The following PRKCH variants were observed in gnomAD, a reference collection of about 807,000 sequenced individuals.
PRKCH encodes protein kinase C eta type.
PRKCH carries 28 observed loss-of-function variants against 82.5 expected under a neutral mutation model. That is an observed-to-expected ratio of 0.34 (90% confidence interval 0.25 to 0.47). The LOEUF is 0.47. Among genes scored for constraint, PRKCH ranks in the 20% least tolerant of loss-of-function variants. The probability of loss-of-function intolerance (pLI) is 1.00; values close to 1 mark genes in which losing one functional copy is unlikely to be tolerated. For synonymous variants in PRKCH, 322 were observed against 327.4 expected (o/e 0.98, Z 0.18); for missense variants, 705 against 881.8 (o/e 0.80, Z 2.54).
At chr14:61,470,872 C>T (rs182794689) in intron 9 of PRKCH, among the ~76,000 whole-genome samples, 63 of 152,230 alleles carry the variant, frequency 4.1e-4, no homozygotes, top group African/African-American at 1.3e-3. Flanking sequence ...CACGTTTTTC[C>T]GTCGCTGTGC....
Position 61,479,669 on chromosome 14 carries a change from G to T in PRKCH, c.1279-5833G>T, listed in dbSNP as rs1885881153. ...CAGCCCTTAATGAGGGGGCCTTAGGGAATGCACCTTACTTATACTGACAGC... is the reference window on the plus strand; with the variant it reads ...CAGCCCTTAATGAGGGGGCCTTAGGTAATGCACCTTACTTATACTGACAGC... On this transcript the variant is annotated intron_variant, in intron 9 of 13. Coordinates refer to ENST00000332981, the MANE Select transcript of PRKCH (RefSeq NM_006255.5). 4.6e-5 allele frequency among the ~76,000 whole-genome samples: 7 copies of T among 152,328 alleles called. No individual in the cohort carries two copies. The South Asian group carries it at 1.4e-3, about 32-fold the overall frequency.
intron 1 of PRKCH, among the ~76,000 whole-genome samples, chr14:61,234,442 C>A (rs2044771353): frequency 6.6e-6 from 1 of 152,118 alleles, no homozygotes; most frequent in Admixed American, 6.5e-5. Context: ...CAGTCATCCC[C>A]ACCTCCACCA....
At chr14:61,231,834 G>GA (rs1272543900) in intron 1 of PRKCH, among the ~76,000 whole-genome samples, 1 of 151,970 alleles carries the variant, frequency 6.6e-6, no homozygotes, top group Non-Finnish European at 1.5e-5. Flanking sequence ...TGATGATGTT[G>GA]AAAAAAACAG....
At chr14:61,262,027 C>T (rs1267855869) in intron 1 of PRKCH, among the ~76,000 whole-genome samples, 1 of 151,926 alleles carries the variant, frequency 6.6e-6, no homozygotes, top group Non-Finnish European at 1.5e-5. Context: ...CATGACCAGC[C>T]TGGCCAACAT....
chr14:61,450,461 C>T lies in PRKCH; in HGVS notation c.703-381C>T, dbSNP rs535163739. On this transcript the variant is annotated intron_variant, in intron 5 of 13. Transcript: ENST00000332981. ...TGTCTGGAAGAACTTACAGTGATAGCAAGTATATATAGTGTATAAAAGACC... is the reference window on the plus strand; with the variant it reads ...TGTCTGGAAGAACTTACAGTGATAGTAAGTATATATAGTGTATAAAAGACC... Among the ~76,000 whole-genome samples, 11 of 152,130 alleles carry T rather than the reference C, an allele frequency of 7.2e-5. 1 individual carries two copies. In the South Asian group the frequency reaches 2.3e-3, roughly 32 times the overall value.
intron 1 of PRKCH, among the ~76,000 whole-genome samples, chr14:61,200,762 G>C (rs1382629904): frequency 7.9e-6 from 1 of 126,350 alleles, no homozygotes; most frequent in Non-Finnish European, 1.6e-5. Flanking sequence ...ACAATATATT[G>C]TTAAGTGTTC....
At chr14:61,458,619 G>T (rs1365375447) in intron 9 of PRKCH, among the ~76,000 whole-genome samples, 1 of 152,210 alleles carries the variant, frequency 6.6e-6, no homozygotes, top group Non-Finnish European at 1.5e-5. Context: ...CTGAGACGGG[G>T]TAATTTATGA....
chr14:61,229,333 A>G (rs1426950869), intron 1 of PRKCH, among the ~76,000 whole-genome samples: 2 of 152,160 alleles, frequency 1.3e-5, no homozygotes, highest in Non-Finnish European at 2.9e-5. Flanking sequence ...ACTTGGAGAT[A>G]GATTGCAGGA....
chr14:61,207,106 CAAAA>C (rs71114196), intron 1 of PRKCH, among the ~76,000 whole-genome samples: 3,448 of 48,778 alleles, frequency 0.071, 40 homozygotes, highest in Middle Eastern at 0.1. Context: ...AACTCCATCT[CAAAA>C]AAAAAAAAAA....
intron 1 of PRKCH, among the ~76,000 whole-genome samples, chr14:61,234,364 T>C (rs567177948): frequency 1.3e-5 from 2 of 152,198 alleles, no homozygotes; most frequent in Non-Finnish European, 2.9e-5. Flanking sequence ...AAACAAAATA[T>C]AGTCATTATA....
chr14:61,349,127 G>T (rs1026298754), intron 1 of PRKCH, among the ~76,000 whole-genome samples: 1 of 152,218 alleles, frequency 6.6e-6, no homozygotes, highest in East Asian at 1.9e-4. Context: ...CAGGGTTCAT[G>T]TGTTTATCTT....
intron 3 of PRKCH, among the ~76,000 whole-genome samples, chr14:61,443,636 G>A (rs1047509224): frequency 9.9e-5 from 15 of 152,176 alleles, no homozygotes; most frequent in Admixed American, 5.9e-4. Context: ...GGCATGAATC[G>A]CATAATGACT....
chr14:61,362,129 G>C (rs1042370597), intron 1 of PRKCH, among the ~76,000 whole-genome samples: 2 of 152,248 alleles, frequency 1.3e-5, no homozygotes, highest in African/African-American at 4.8e-5. Flanking sequence ...TTGAGCTCAG[G>C]AGTCTGAGAC....
intron 2 of PRKCH, among the ~76,000 whole-genome samples, chr14:61,442,394 C>T (rs1370146080): frequency 6.6e-6 from 1 of 152,046 alleles, no homozygotes; most frequent in Admixed American, 6.5e-5. Flanking sequence ...GTGCTGTGGG[C>T]GATTCCCTCA....
intron 2 of PRKCH, among the ~76,000 whole-genome samples, chr14:61,418,216 A>G (rs1882661479): frequency 6.6e-6 from 1 of 152,104 alleles, no homozygotes; most frequent in Admixed American, 6.5e-5. Context: ...ATTAGATTAT[A>G]CTCTGAAGCA....
chr14:61,254,001 CCCTCCCTCCCTT>C (rs1280389975), intron 1 of PRKCH, among the ~76,000 whole-genome samples: 5 of 135,402 alleles, frequency 3.7e-5, no homozygotes, highest in African/African-American at 1.1e-4. Context: ...CTCCCTCCCT[CCCTCCCTCCCTT>C]CCTTCCTTCC....
Position 61,549,466 on chromosome 14 carries a change from T to A in PRKCH, c.1906-219T>A, listed in dbSNP as rs1338162597. On this transcript the variant is annotated intron_variant, in intron 13 of 13. Coordinates refer to ENST00000332981, the MANE Select transcript of PRKCH (RefSeq NM_006255.5). ...ACAGGCCTGCTCAGCAAGATTTTCA[T>A]GGGATTAGTGAATTGGTGGTTGCCA... Among the ~76,000 whole-genome samples, 5 of 152,230 alleles carry A rather than the reference T, an allele frequency of 3.3e-5. 1 individual carries two copies. Among genetic ancestry groups the A allele is most frequent in the Admixed American group, 3.3e-4 (5 of 15,284 alleles).
chr14:61,549,080 C>G lies in PRKCH; in HGVS notation c.1906-605C>G, dbSNP rs531622288. Among the ~76,000 whole-genome samples the G allele has an allele frequency of 1.1e-4, 16 of 152,260 alleles. 1 individual carries two copies. The South Asian group carries it at 3.3e-3, about 32-fold the overall frequency. ...AAAGCCGTTCCTTCAATGGTCAGCC[C>G]CCTGCCAGCGCCCCTGGGATTAGGG... On this transcript the variant is annotated intron_variant, in intron 13 of 13. Transcript: ENST00000332981.
intron 1 of PRKCH, among the ~76,000 whole-genome samples, chr14:61,208,636 C>T (rs572330478): frequency 1.2e-4 from 18 of 152,176 alleles, no homozygotes; most frequent in Non-Finnish European, 1.9e-4. Context: ...CTGAAGAGCG[C>T]GTCTTTAAGC....
Sources: allele counts gnomAD v4.1 joint callset (sites outside exome capture counted in the v4.1 genomes callset), GRCh38; gene constraint gnomAD v4.1.1; transcripts MANE v1.5; gene names NCBI Gene and HGNC (gene_info 2026-07-23, HGNC 2026-07-21).